Variants in DPY19L1 observed in about 807,000 individuals in gnomAD.
The protein encoded by DPY19L1 is dpy-19 like C-mannosyltransferase 1, also known as protein C-mannosyl-transferase DPY19L1.
A neutral mutation model predicts 96.9 loss-of-function variants in DPY19L1; 35 were observed. That is an observed-to-expected ratio of 0.36 (90% CI 0.28 to 0.48). The LOEUF (loss-of-function observed/expected upper bound fraction) is 0.48. Among genes scored for constraint, DPY19L1 ranks in the 20% least tolerant of loss-of-function variants. The probability of loss-of-function intolerance (pLI) is 0.99; values close to 1 mark genes in which losing one functional copy is unlikely to be tolerated. For synonymous variants in DPY19L1, 205 were observed against 252.6 expected (o/e 0.81, Z 1.79); for missense variants, 521 against 777.9 (o/e 0.67, Z 3.93).
intron 11 of DPY19L1, among the ~76,000 whole-genome samples, chr7:34,956,144 TGAAAA>T (rs1489391983): frequency 2.0e-5 from 3 of 152,206 alleles, no homozygotes; most frequent in African/African-American, 7.2e-5. Context: ...CATATAGAAC[TGAAAA>T]GAAATTTCCT....
Position 34,931,344 on chromosome 7 carries a change from A to C in DPY19L1, c.*229T>G, listed in dbSNP as rs1481861904. ...AAATATTAAAGTCAAGTACAAGCAT[A>C]TACTCATTTGCATAGCAAATTTTAA... On this transcript the variant is annotated 3_prime_UTR_variant, in exon 22 of 22. Coordinates refer to ENST00000638088, the MANE Select transcript of DPY19L1 (RefSeq NM_001366673.1). The C allele has an allele frequency of 2.3e-6, 1 of 443,902 alleles. No individual in the cohort carries two copies. The highest frequency in any genetic ancestry group is 2.0e-5 in the African/African-American group (1 of 48,976). 27.5% of individuals were successfully genotyped at this position (443,902 alleles called of 1,614,324 possible). A position where few individuals can be genotyped will look rare whatever the true frequency, so the allele number is the denominator to read the frequency against.
At chr7:35,009,563 T>C (rs988253088) in intron 6 of DPY19L1, among the ~76,000 whole-genome samples, 2 of 152,222 alleles carry the variant, frequency 1.3e-5, no homozygotes, top group Admixed American at 1.3e-4. Context: ...ACTTCTACTT[T>C]AACATTAATA....
Position 34,931,880 on chromosome 7 carries a change from T to A in DPY19L1, c.2091-151A>T, listed in dbSNP as rs972751535. 3 of 1,249,366 alleles carry A rather than the reference T, an allele frequency of 2.4e-6. No homozygotes were observed. In the African/African-American group the frequency reaches 4.6e-5, roughly 19 times the overall value. 77.4% of individuals were successfully genotyped at this position (1,249,366 alleles called of 1,614,324 possible). A position where few individuals can be genotyped will look rare whatever the true frequency, so the allele number is the denominator to read the frequency against. ...ATCCTGTTACATAGCTATTTATGTT[T>A]TTATAAGCTGCCATGACTCACCTTA... On this transcript the variant is annotated intron_variant, in intron 21 of 21. Transcript: ENST00000638088.
At chr7:35,008,813 A>G (rs1450836196) in intron 6 of DPY19L1, among the ~76,000 whole-genome samples, 1 of 152,224 alleles carries the variant, frequency 6.6e-6, no homozygotes, top group Admixed American at 6.5e-5. Flanking sequence ...AATGTAATAA[A>G]GCTACCCATA....
Position 35,013,573 on chromosome 7 carries a change from G to C in DPY19L1, c.544C>G (p.Pro182Ala). Reference sequence around the variant, plus strand: ...AATTGGAAAAAGTACCTTACCTCAGGGTAAAGATTGAATCTTTTTAATGTA... The same window carrying C: ...AATTGGAAAAAGTACCTTACCTCAGCGTAAAGATTGAATCTTTTTAATGTA... ...INTLKRFNLY[P>A]EVILASWYRI... The change falls in exon 4 of 22, where the codon CCT becomes GCT. Residue 182 changes from proline (P) to alanine (A), a missense_variant. Physicochemically the swap from Pro to Ala is conservative, Grantham distance 27. Coordinates refer to ENST00000638088, the MANE Select transcript of DPY19L1 (RefSeq NM_001366673.1). 6.2e-7 allele frequency: 1 copy of C among 1,607,880 alleles called. No individual in the cohort carries two copies. The highest frequency in any genetic ancestry group is 8.5e-7 in the Non-Finnish European group (1 of 1,177,602).
chr7:34,998,502 T>C (rs1785347274), intron 6 of DPY19L1, among the ~76,000 whole-genome samples: 1 of 152,174 alleles, frequency 6.6e-6, no homozygotes, highest in African/African-American at 2.4e-5. Flanking sequence ...TGCATAAGTG[T>C]CTGCATATGA....
intron 21 of DPY19L1, among the ~76,000 whole-genome samples, chr7:34,934,064 C>G (rs770025424): frequency 6.6e-6 from 1 of 152,042 alleles, no homozygotes; most frequent in Non-Finnish European, 1.5e-5. Context: ...CCCAGGTTCA[C>G]GTCATTCTCC....
chr7:34,968,637 G>A (rs1784658847), intron 9 of DPY19L1, among the ~76,000 whole-genome samples: 2 of 151,904 alleles, frequency 1.3e-5, no homozygotes, highest in Non-Finnish European at 2.9e-5. Flanking sequence ...GGGTGTGGTG[G>A]CACGTGCCTG....
intron 1 of DPY19L1, among the ~76,000 whole-genome samples, chr7:35,018,883 T>C (rs995217285): frequency 6.6e-6 from 1 of 152,044 alleles, no homozygotes; most frequent in Non-Finnish European, 1.5e-5. Context: ...CTAATAGAAC[T>C]GAGAGAGGAA....
At chr7:34,992,062 A>G (rs980449339) in intron 6 of DPY19L1, among the ~76,000 whole-genome samples, 3 of 152,172 alleles carry the variant, frequency 2.0e-5, no homozygotes, top group Admixed American at 1.3e-4. Flanking sequence ...ACGTGAGTCA[A>G]AGGATGTGAG....
In DPY19L1 at chr7:34,969,098, A is replaced by AG. The variant is rs58151659; in HGVS notation, c.1014+334_1014+335insC. Among the ~76,000 whole-genome samples the AG allele has an allele frequency of 6.5e-3, 984 of 152,284 alleles. 11 individuals carry two copies. Among genetic ancestry groups the AG allele is most frequent in the African/African-American group, 0.023 (936 of 41,556 alleles). ...AGAAATACTATAGTTAACTTAAGAGAAATACTTGAAGTTATAGCACTAGTC... is the reference window on the plus strand; with the variant it reads ...AGAAATACTATAGTTAACTTAAGAGAGAATACTTGAAGTTATAGCACTAGTC... On this transcript the variant is annotated intron_variant, in intron 9 of 21. Coordinates refer to ENST00000638088, the MANE Select transcript of DPY19L1 (RefSeq NM_001366673.1).
chr7:34,939,413 T>A (rs767680306), intron 19 of DPY19L1, 38 bp from the exon 20 acceptor site: 1 of 1,573,148 alleles, frequency 6.4e-7, no homozygotes, highest in South Asian at 1.1e-5. Context: ...AGACACTCAG[T>A]GAAGGCGAGA....
chr7:35,009,107 A>C (rs765985880), intron 6 of DPY19L1, among the ~76,000 whole-genome samples: 3 of 152,250 alleles, frequency 2.0e-5, no homozygotes, highest in Non-Finnish European at 4.4e-5. Flanking sequence ...TTAAATCTAT[A>C]TGCAAATATA....
At chr7:35,015,749 T>A (rs1785831040) in intron 3 of DPY19L1, among the ~76,000 whole-genome samples, 1 of 152,254 alleles carries the variant, frequency 6.6e-6, no homozygotes, top group African/African-American at 2.4e-5. Context: ...CTTTACTTTC[T>A]TAAGGTAAAC....
At position 34,940,140 on chromosome 7, in the gene DPY19L1, T is replaced by C. The variant is rs535415473; in HGVS notation, c.1864+13A>G. 1.9e-5 allele frequency: 28 copies of C among 1,454,614 alleles called. No individual in the cohort carries two copies. The South Asian group carries it at 2.4e-4, about 13-fold the overall frequency. The allele number at this position is 1,454,614 out of a possible 1,614,324, so 90.1% of individuals were successfully genotyped here. ...AAATAATATGACTTTTTTTTTCTTTTTTTTTTTTTTACCTGGTTTAGTACT... is the reference window on the plus strand; with the variant it reads ...AAATAATATGACTTTTTTTTTCTTTCTTTTTTTTTTACCTGGTTTAGTACT... On this transcript the variant is annotated intron_variant, in intron 19 of 21. Coordinates refer to ENST00000638088, the MANE Select transcript of DPY19L1 (RefSeq NM_001366673.1).
At chr7:34,944,777 T>C (rs1206330068) in intron 16 of DPY19L1, among the ~76,000 whole-genome samples, 1 of 152,176 alleles carries the variant, frequency 6.6e-6, no homozygotes, top group Non-Finnish European at 1.5e-5. Context: ...TCTGTGAGCA[T>C]CTCTAGAGGG....
intron 13 of DPY19L1, among the ~76,000 whole-genome samples, chr7:34,951,025 T>C (rs931632778): frequency 7.9e-5 from 12 of 152,058 alleles, no homozygotes; most frequent in African/African-American, 2.9e-4. Flanking sequence ...TTAGCAATTA[T>C]AATGTCTCAC....
intron 10 of DPY19L1, among the ~76,000 whole-genome samples, chr7:34,959,874 A>G (rs1784455209): frequency 7.2e-6 from 1 of 138,796 alleles, no homozygotes; most frequent in Non-Finnish European, 1.6e-5. Flanking sequence ...TATATATTTT[A>G]ATATATATGT....
chr7:35,000,647 T>G (rs942561287), intron 6 of DPY19L1: 6 of 152,030 alleles, frequency 3.9e-5, no homozygotes, highest in African/African-American at 1.5e-4. Context: ...ACCAAAACAA[T>G]GCATACAGAA....
Sources: allele counts gnomAD v4.1 joint callset (sites outside exome capture counted in the v4.1 genomes callset), GRCh38; gene constraint gnomAD v4.1.1; transcripts MANE v1.5; gene names NCBI Gene and HGNC (gene_info 2026-07-23, HGNC 2026-07-21).